RPL38: variants seen among roughly 807,000 people sequenced by gnomAD.
RPL38 encodes ribosomal protein L38.
A neutral mutation model predicts 12.8 loss-of-function variants in RPL38; 2 were observed. That is an observed-to-expected ratio of 0.16 (90% CI 0.06 to 0.49). The LOEUF (loss-of-function observed/expected upper bound fraction) is 0.49. Ranked by LOEUF, RPL38 falls within the 20% of genes least tolerant of loss-of-function variation. RPL38 has a pLI of 0.96. For missense variants in RPL38, 52 were observed against 79.8 expected, an observed-to-expected ratio of 0.65 and a Z score of 1.33; for synonymous variants, 42 against 30.1, an observed-to-expected ratio of 1.39 and a Z score of -1.29.
At chr17:74,204,292 T>C (rs2050090260) in intron 3 of RPL38, 102 bp downstream of exon 3, 1 of 1,025,530 alleles carries the variant, frequency 9.8e-7, no homozygotes, top group African/African-American at 1.6e-5. Context: ...TTAGGCCGTC[T>C]GGGTGTGTGC....
At chr17:74,209,421 GT>G in intron 4 of RPL38, 112 bp downstream of exon 4, 1 of 1,275,504 alleles carries the variant, frequency 7.8e-7, no homozygotes, top group Non-Finnish European at 1.1e-6. Flanking sequence ...CCATTTTATG[GT>G]CTAAGAATCT....
At chr17:74,206,787 A>G (rs2050118979) in intron 3 of RPL38, among the ~76,000 whole-genome samples, 1 of 133,410 alleles carries the variant, frequency 7.5e-6, no homozygotes, top group Non-Finnish European at 1.5e-5. Context: ...ATCTCAGCTC[A>G]CTGCAAGCTC....
intron 3 of RPL38, chr17:74,205,229 C>G (rs2050101923): frequency 6.6e-6 from 1 of 152,180 alleles, no homozygotes; most frequent in Non-Finnish European, 1.5e-5. Flanking sequence ...CTTTGTGATA[C>G]TTGAAGGAGA....
chr17:74,204,112 G>T lies in RPL38; in HGVS notation c.4-18G>T, dbSNP rs199630773. ...GTGTCTCTTTCCTCTCTGTTCACCC[G>T]CTTCCTTTGTGTTGCAGCCTCGGAA... On this transcript the variant is annotated intron_variant, in intron 2 of 4. Coordinates refer to ENST00000311111, the MANE Select transcript of RPL38 (RefSeq NM_000999.4). 1.3e-4 allele frequency: 213 copies of T among 1,614,036 alleles called. 1 individual carries two copies. The East Asian group carries it at 4.5e-3, about 34-fold the overall frequency.
chr17:74,206,781 C>T (rs1045125864), intron 3 of RPL38, among the ~76,000 whole-genome samples: 11 of 137,292 alleles, frequency 8.0e-5, no homozygotes, highest in African/African-American at 2.8e-4. Flanking sequence ...GGCGGAATCT[C>T]AGCTCACTGC....
chr17:74,203,850 G>GA, intron 1 of RPL38, 68 bp from the exon 2 acceptor site: 1 of 1,377,114 alleles, frequency 7.3e-7, no homozygotes, highest in Non-Finnish European at 9.8e-7. Flanking sequence ...TATTTCGGGG[G>GA]AGAGCGGGAA....
intron 3 of RPL38, among the ~76,000 whole-genome samples, chr17:74,207,487 G>A (rs1446875158): frequency 1.3e-5 from 2 of 152,018 alleles, no homozygotes; most frequent in Non-Finnish European, 2.9e-5. Context: ...CCTAGAAATG[G>A]AATTGCTGCA....
chr17:74,209,600 T>C, intron 4 of RPL38: 1 of 626,734 alleles, frequency 1.6e-6, no homozygotes, highest in South Asian at 2.0e-5. Flanking sequence ...GGGGAACAGA[T>C]GAAATATAAT....
intron 3 of RPL38, among the ~76,000 whole-genome samples, chr17:74,207,070 GGT>G (rs1221420190): frequency 1.3e-5 from 2 of 151,890 alleles, no homozygotes; most frequent in African/African-American, 4.8e-5. Flanking sequence ...GGAGTGCAGT[GGT>G]GTGATCATGG....
intron 3 of RPL38, among the ~76,000 whole-genome samples, chr17:74,207,211 C>T (rs1168173149): frequency 1.3e-5 from 2 of 151,746 alleles, no homozygotes; most frequent in Non-Finnish European, 2.9e-5. Context: ...TCTGTGTTGG[C>T]CAGGCTAGTC....
chr17:74,209,391 T>A lies in RPL38; in HGVS notation c.187+82T>A, dbSNP rs1037593804. On this transcript the variant is annotated intron_variant, in intron 4 of 4. Transcript: ENST00000311111. ...TGGCCATGTTGTATCTTGTTTTGAA[T>A]CCCTCTCAGATTTCAGAGCCCATTT... 2.5e-5 allele frequency: 38 copies of A among 1,521,614 alleles called. No homozygotes were observed. The Admixed American group carries it at 7.3e-4, about 29-fold the overall frequency. The allele number at this position is 1,521,614 out of a possible 1,614,324, so 94.3% of individuals were successfully genotyped here. A position where few individuals can be genotyped will look rare whatever the true frequency, so the allele number is the denominator to read the frequency against.
chr17:74,209,945 C>A lies in RPL38; in HGVS notation c.*116C>A, dbSNP rs2143695622. 2 of 745,208 alleles carry A rather than the reference C, an allele frequency of 2.7e-6. No homozygotes were observed. Among genetic ancestry groups the A allele is most frequent in the Non-Finnish European group, 4.7e-6 (2 of 426,898 alleles). The allele number at this position is 745,208 out of a possible 1,614,324, so 46.2% of individuals were successfully genotyped here. A position where few individuals can be genotyped will look rare whatever the true frequency, so the allele number is the denominator to read the frequency against. Reference sequence around the variant, plus strand: ...ACCTCGTAGTGGCTTCTGATGGGAACAGGACGCGGGTTCTGTTGCTGCCTT... The same window carrying A: ...ACCTCGTAGTGGCTTCTGATGGGAAAAGGACGCGGGTTCTGTTGCTGCCTT... On this transcript the variant is annotated 3_prime_UTR_variant, in exon 5 of 5. Coordinates refer to ENST00000311111, the MANE Select transcript of RPL38 (RefSeq NM_000999.4).
chr17:74,204,239 C>T lies in RPL38; in HGVS notation c.64+49C>T, dbSNP rs749022674. The T allele has an allele frequency of 9.6e-6, 15 of 1,554,790 alleles. No individual in the cohort carries two copies. The East Asian group carries it at 2.5e-4, about 26-fold the overall frequency. On this transcript the variant is annotated intron_variant, in intron 3 of 4. Transcript: ENST00000311111. ...AAGAAGAGCGGTGCCTAGCCTGGCA[C>T]CGCTCCGGGAGCGTCTTCCCCGGAA... is the stretch of plus-strand genomic sequence containing the variant.
chr17:74,205,318 CTG>C (rs1167954037), intron 3 of RPL38: 1 of 152,144 alleles, frequency 6.6e-6, no homozygotes, highest in Non-Finnish European at 1.5e-5. Flanking sequence ...TTTCAGCTGA[CTG>C]AGAATCAGGT....
At chr17:74,208,834 G>A (rs1041035523) in intron 3 of RPL38, among the ~76,000 whole-genome samples, 1 of 152,164 alleles carries the variant, frequency 6.6e-6, no homozygotes, top group African/African-American at 2.4e-5. Flanking sequence ...ACTCCAGGAG[G>A]CTTAGGCAGG....
At chr17:74,204,340 A>T in intron 3 of RPL38, 150 bp downstream of exon 3, 1 of 670,428 alleles carries the variant, frequency 1.5e-6, no homozygotes, top group African/African-American at 1.8e-5. Flanking sequence ...CCTGTTTCCC[A>T]TGAGAAAGAC....
At chr17:74,205,311 CAGCTGACTG>C (rs2050102878) in intron 3 of RPL38, 1 of 152,124 alleles carries the variant, frequency 6.6e-6, no homozygotes, top group African/African-American at 2.4e-5. Flanking sequence ...CATCTTTTTT[CAGCTGACTG>C]AGAATCAGGT....
In RPL38 at chr17:74,203,963, G is replaced by A. The variant is rs1352692697; in HGVS notation, c.3+5G>A. ...CCAGCGCGCCTCGTCGCCATGGTGA[G>A]TACAGTCCCTGCCTGGCGCCTTCCC... On this transcript the variant is annotated splice_donor_5th_base_variant and intron_variant, in intron 2 of 4. Transcript: ENST00000311111. 2 of 1,612,850 alleles carry A rather than the reference G, an allele frequency of 1.2e-6. No individual in the cohort carries two copies. Among genetic ancestry groups the A allele is most frequent in the South Asian group, 2.2e-5 (2 of 90,876 alleles).
rs569296107 is a variant in RPL38, at chr17:74,203,879, C to T, written c.-38-39C>T. The T allele has an allele frequency of 3.6e-5, 54 of 1,516,184 alleles. No homozygotes were observed. In the East Asian group the frequency reaches 8.4e-4, roughly 23 times the overall value. The allele number at this position is 1,516,184 out of a possible 1,614,324, so 93.9% of individuals were successfully genotyped here. On this transcript the variant is annotated intron_variant, in intron 1 of 4. Transcript: ENST00000311111. The stretch of plus-strand genomic sequence containing the variant: ...GCGGGAAAACGGGGTTCGCTGCCAG[C>T]CCCCGCGCCGTGTTAACGCCGAGGA...
Sources: allele counts gnomAD v4.1 joint callset (sites outside exome capture counted in the v4.1 genomes callset), GRCh38; gene constraint gnomAD v4.1.1; transcripts MANE v1.5; gene names NCBI Gene and HGNC (gene_info 2026-07-23, HGNC 2026-07-21).